The following NETO2 variants were observed in gnomAD, a reference collection of about 807,000 sequenced individuals.
The protein encoded by NETO2 is neuropilin and tolloid like 2.
In NETO2, 28 loss-of-function variants were observed where a neutral mutation model predicts 62.5. The observed-to-expected ratio is 0.45, with a 90% CI of 0.33 to 0.61. The LOEUF (loss-of-function observed/expected upper bound fraction) is 0.61. Ranked by LOEUF, NETO2 falls within the 20% of genes least tolerant of loss-of-function variation. NETO2 has a pLI of 0.02. For missense variants in NETO2, 548 were observed against 643.2 expected, an observed-to-expected ratio of 0.85 and a Z score of 1.60; for synonymous variants, 214 against 219.1, an observed-to-expected ratio of 0.98 and a Z score of 0.21.
intron 4 of NETO2, among the ~76,000 whole-genome samples, chr16:47,127,138 A>T (rs1964172832): frequency 6.6e-6 from 1 of 152,228 alleles, no homozygotes; most frequent in African/African-American, 2.4e-5. Context: ...TTTCCAATTA[A>T]ATTTCTTGCA....
Position 47,143,617 on chromosome 16 carries a change from C to G in NETO2, c.-5G>C, listed in dbSNP as rs746121929. 2.1e-4 allele frequency: 256 copies of G among 1,221,926 alleles called. 1 individual carries two copies. Among genetic ancestry groups the G allele is most frequent in the Middle Eastern group, 3.2e-4 (1 of 3,140 alleles). 75.7% of individuals were successfully genotyped at this position (1,221,926 alleles called of 1,614,324 possible). A position where few individuals can be genotyped will look rare whatever the true frequency, so the allele number is the denominator to read the frequency against. ...GCAGAGCCGCTCCAGGGCCATGTTC[C>G]CGAGCTGCCCGGCGCTTCGCGAAGG... On this transcript the variant is annotated 5_prime_UTR_variant, in exon 1 of 9. Coordinates refer to ENST00000562435, the MANE Select transcript of NETO2 (RefSeq NM_018092.5).
At chr16:47,135,259 T>G (rs1378719699) in intron 1 of NETO2, among the ~76,000 whole-genome samples, 2 of 152,226 alleles carry the variant, frequency 1.3e-5, no homozygotes, top group African/African-American at 4.8e-5. Flanking sequence ...CATGAAGCAG[T>G]TCTGTGGTTC....
intron 1 of NETO2, among the ~76,000 whole-genome samples, chr16:47,138,958 T>C (rs1964412163): frequency 1.3e-5 from 2 of 152,266 alleles, no homozygotes; most frequent in African/African-American, 4.8e-5. Flanking sequence ...CTTTGGCTGA[T>C]TCCTTCCTGT....
At chr16:47,121,497 T>C (rs1964039580) in intron 6 of NETO2, among the ~76,000 whole-genome samples, 1 of 152,090 alleles carries the variant, frequency 6.6e-6, no homozygotes, top group South Asian at 2.1e-4. Flanking sequence ...AAAGGCAGGG[T>C]TTCTAAGTAT....
At chr16:47,123,441 G>A (rs927917542) in intron 4 of NETO2, among the ~76,000 whole-genome samples, 6 of 151,944 alleles carry the variant, frequency 3.9e-5, no homozygotes, top group Admixed American at 3.9e-4. Context: ...AGGAGGTTGA[G>A]GCTGCAGACA....
At position 47,128,590 on chromosome 16, in the gene NETO2, A is replaced by C. The variant is rs367670961; in HGVS notation, c.233-17T>G. 6.2e-6 allele frequency: 10 copies of C among 1,606,518 alleles called. No individual in the cohort carries two copies. Among genetic ancestry groups the C allele is most frequent in the Admixed American group, 1.7e-5 (1 of 59,752 alleles). ...GTGGAGCAGCTAGAAAATAAGAGTA[A>C]GCAAATCAGGACAACACAAACAAGA... On this transcript the variant is annotated splice_polypyrimidine_tract_variant and intron_variant, in intron 3 of 8. Coordinates refer to ENST00000562435, the MANE Select transcript of NETO2 (RefSeq NM_018092.5).
chr16:47,131,615 T>C (rs1250070996), intron 2 of NETO2, among the ~76,000 whole-genome samples: 2 of 152,178 alleles, frequency 1.3e-5, no homozygotes, highest in Non-Finnish European at 2.9e-5. Flanking sequence ...CCAAAGGACT[T>C]TGAATAAGAT....
At chr16:47,129,142 G>C in intron 3 of NETO2, 82 bp downstream of exon 3, 1 of 1,286,926 alleles carries the variant, frequency 7.8e-7, no homozygotes, top group Non-Finnish European at 1.1e-6. Flanking sequence ...CATTCAAACT[G>C]GTTTACATAG....
Position 47,083,523 on chromosome 16 carries a change from G to A in NETO2, c.1276C>T (p.Arg426Trp), listed in dbSNP as rs772817589. The change falls in exon 9 of 9, where the codon CGG (arginine) becomes TGG (tryptophan). Residue 426 changes from arginine to tryptophan, a missense_variant. Coordinates refer to ENST00000562435, the MANE Select transcript of NETO2 (RefSeq NM_018092.5). Reference protein sequence around the residue: ...SEELDNYQKMRRSSTASRCIH... With the variant: ...SEELDNYQKMWRSSTASRCIH... ...CAGCGGGAGGCGGTGGAGGAGCGCC[G>A]CATCTTCTGGTAGTTGTCCAATTCT... The A allele has an allele frequency of 8.1e-6, 13 of 1,614,184 alleles. No homozygotes were observed. The highest frequency in any genetic ancestry group is 1.1e-5 in the Non-Finnish European group (13 of 1,180,036).
At chr16:47,109,938 C>G (rs542317992) in intron 6 of NETO2, among the ~76,000 whole-genome samples, 9 of 152,186 alleles carry the variant, frequency 5.9e-5, no homozygotes, top group Admixed American at 2.0e-4. Context: ...TGTGTTTTGT[C>G]TATAAAGAGT....
intron 8 of NETO2, 76 bp from the exon 9 acceptor site, chr16:47,083,877 T>C: frequency 8.6e-7 from 1 of 1,166,068 alleles, no homozygotes; most frequent in Non-Finnish European, 1.2e-6. Flanking sequence ...AGTAAGGTAT[T>C]TTTAGGTAAA....
chr16:47,092,054 G>A (rs1206669088), intron 7 of NETO2, among the ~76,000 whole-genome samples: 1 of 125,086 alleles, frequency 8.0e-6, no homozygotes, highest in Non-Finnish European at 1.7e-5. Flanking sequence ...TAGAGATGTT[G>A]TCCCATTATG....
intron 1 of NETO2, among the ~76,000 whole-genome samples, chr16:47,139,257 T>C (rs1964419315): frequency 6.6e-6 from 1 of 152,204 alleles, no homozygotes; most frequent in African/African-American, 2.4e-5. Flanking sequence ...GCACAGTAAC[T>C]GACAGGCACA....
chr16:47,122,144 A>C (rs929941286), intron 6 of NETO2, among the ~76,000 whole-genome samples: 1 of 152,226 alleles, frequency 6.6e-6, no homozygotes, highest in Non-Finnish European at 1.5e-5. Flanking sequence ...AATCTGTCAG[A>C]GTTATTTAAA....
intron 7 of NETO2, 90 bp downstream of exon 7, chr16:47,109,389 AAAAT>A (rs1402675552): frequency 4.3e-6 from 3 of 693,834 alleles, no homozygotes; most frequent in Non-Finnish European, 6.6e-6. Context: ...AAAACATCCT[AAAAT>A]AAATATTTTA....
rs181039963 is a variant in NETO2, at chr16:47,097,534, T to C, written c.884-11195A>G. 1.5e-4 allele frequency among the ~76,000 whole-genome samples: 23 copies of C among 152,308 alleles called. 1 individual carries two copies. The East Asian group carries it at 3.3e-3, about 22-fold the overall frequency. ...GGCAGCAGTCCCAGTCAGGGGCTTA[T>C]AGATAAAACTCCCATCTCCGTGGGA... On this transcript the variant is annotated intron_variant, in intron 7 of 8. Transcript: ENST00000562435.
chr16:47,100,466 C>T (rs1335740826), intron 7 of NETO2, among the ~76,000 whole-genome samples: 3 of 151,846 alleles, frequency 2.0e-5, no homozygotes, highest in African/African-American at 7.3e-5. Context: ...CAGAGCAGAA[C>T]TGAAGGAGAC....
chr16:47,097,110 C>T (rs902930231), intron 7 of NETO2, among the ~76,000 whole-genome samples: 1 of 152,220 alleles, frequency 6.6e-6, no homozygotes. Flanking sequence ...TGGGCAGACA[C>T]CGAGCTACCT....
At chr16:47,129,196 C>T in intron 3 of NETO2, 28 bp downstream of exon 3, 1 of 1,604,462 alleles carries the variant, frequency 6.2e-7, no homozygotes, top group South Asian at 1.1e-5. Flanking sequence ...AGTAAAAATT[C>T]ATCCAATAAA....
Sources: allele counts gnomAD v4.1 joint callset (sites outside exome capture counted in the v4.1 genomes callset), GRCh38; gene constraint gnomAD v4.1.1; transcripts MANE v1.5; gene names NCBI Gene and HGNC (gene_info 2026-07-23, HGNC 2026-07-21).